Variants in LINGO2 observed in about 807,000 individuals in gnomAD.
The protein encoded by LINGO2 is leucine-rich repeat and immunoglobulin-like domain-containing nogo receptor-interacting protein 2.
LINGO2 carries 14 observed loss-of-function variants against 30.6 expected under a neutral mutation model. The ratio of observed to expected loss-of-function variants is 0.46; its 90% CI spans 0.30 to 0.72. The LOEUF (loss-of-function observed/expected upper bound fraction) is 0.72, where lower values mean the gene tolerates loss of function less well. Among genes scored for constraint, LINGO2 ranks in the 30% least tolerant of loss-of-function variants. The pLI is 0.07. For synonymous variants in LINGO2, 317 were observed against 288.5 expected (o/e 1.10, Z -1.00); for missense variants, 729 against 751.7 (o/e 0.97, Z 0.35).
At chr9:28,989,386 C>T in the LINGO2 span, among the ~76,000 whole-genome samples, 1 of 152,230 alleles carries the variant, frequency 6.6e-6, no homozygotes, top group Non-Finnish European at 1.5e-5. Context: ...TTTGTATTAA[C>T]TGCAGAATTT....
At chr9:28,636,489 T>C (rs1404258456) in intron 1 of LINGO2, among the ~76,000 whole-genome samples, 1 of 152,176 alleles carries the variant, frequency 6.6e-6, no homozygotes, top group East Asian at 1.9e-4. Flanking sequence ...GCACCTGTTG[T>C]TGCCTGACTT....
downstream of LINGO2, chr9:27,943,187 C>G (rs1240985518): frequency 6.6e-6 from 1 of 152,120 alleles, no homozygotes; most frequent in East Asian, 1.9e-4. Context: ...AGGAGGTGTG[C>G]AACAACATAA....
At chr9:27,980,584 G>A (rs1035559567) in intron 5 of LINGO2, among the ~76,000 whole-genome samples, 5 of 151,936 alleles carry the variant, frequency 3.3e-5, no homozygotes, top group Non-Finnish European at 5.9e-5. Flanking sequence ...TTAAGCAGAT[G>A]TTTGCCCTGG....
At position 28,102,758 on chromosome 9, in the gene LINGO2, G is replaced by T. The variant is rs77597365; in HGVS notation, c.-86-90353C>A. 7.1e-4 allele frequency among the ~76,000 whole-genome samples: 108 copies of T among 152,118 alleles called. 5 individuals are homozygous for T. The East Asian group carries it at 0.019, about 27-fold the overall frequency. On this transcript the variant is annotated intron_variant, in intron 4 of 5. Transcript: ENST00000379992. ...TAATAAGCATAAAAAATGTTCACTA[G>T]CCTGTTTTCCAAGCCTTTATTCACA...
chr9:28,990,591 A>G, the LINGO2 span, among the ~76,000 whole-genome samples: 1 of 152,272 alleles, frequency 6.6e-6, no homozygotes, highest in Non-Finnish European at 1.5e-5. Flanking sequence ...GAGCAGCCTA[A>G]CTGGGAGGCA....
intron 4 of LINGO2, among the ~76,000 whole-genome samples, chr9:28,274,956 G>T (rs1334816463): frequency 1.3e-5 from 2 of 152,164 alleles, no homozygotes; most frequent in African/African-American, 2.4e-5. Flanking sequence ...TCCTCATTCA[G>T]CAGTAGAGTA....
At chr9:29,169,192 C>T in the LINGO2 span, among the ~76,000 whole-genome samples, 1 of 152,120 alleles carries the variant, frequency 6.6e-6, no homozygotes, top group Non-Finnish European at 1.5e-5. Context: ...AGGTGATCCG[C>T]CCACCTTGGC....
chr9:28,311,404 G>C (rs976150401), intron 3 of LINGO2, among the ~76,000 whole-genome samples: 4 of 152,096 alleles, frequency 2.6e-5, no homozygotes, highest in Non-Finnish European at 5.9e-5. Flanking sequence ...TTTATTAGGC[G>C]GGAATTTCCT....
At chr9:28,604,150 C>T (rs987111764) in intron 1 of LINGO2, among the ~76,000 whole-genome samples, 5 of 151,998 alleles carry the variant, frequency 3.3e-5, no homozygotes, top group Admixed American at 1.3e-4. Context: ...GCTACCCAAA[C>T]TCACTGTGGT....
At chr9:28,107,280 C>T (rs1826623878) in intron 4 of LINGO2, among the ~76,000 whole-genome samples, 1 of 152,260 alleles carries the variant, frequency 6.6e-6, no homozygotes, top group Admixed American at 6.5e-5. Context: ...ATATTATATT[C>T]CTAGCACCTT....
rs10968484 is a variant in LINGO2, at chr9:28,311,512, A to G, written c.-245-16146T>C. 0.014 allele frequency among the ~76,000 whole-genome samples: 2,136 copies of G among 152,242 alleles called. 87 individuals carry two copies. In the East Asian group the frequency reaches 0.14, roughly 10 times the overall value. ...TGGCCACCCCCAAAGCAGCCATTTT[A>G]GAGGCCTACCCTCAGGGACGCATTC... On this transcript the variant is annotated intron_variant, in intron 3 of 5. Transcript: ENST00000379992.
intron 5 of LINGO2, among the ~76,000 whole-genome samples, chr9:27,954,224 C>T (rs10812706): frequency 0.55 from 84,048 of 151,900 alleles, 24,755 homozygotes; most frequent in East Asian, 0.81. Context: ...GTCTTCCAGC[C>T]GTTTTGAAAT....
chr9:28,126,793 T>A (rs925663762), intron 4 of LINGO2, among the ~76,000 whole-genome samples: 3 of 152,210 alleles, frequency 2.0e-5, no homozygotes, highest in African/African-American at 7.2e-5. Context: ...TACATTTGTT[T>A]ATATGGTTAA....
intron 4 of LINGO2, among the ~76,000 whole-genome samples, chr9:28,257,399 G>A: frequency 6.6e-6 from 1 of 151,778 alleles, no homozygotes; most frequent in Non-Finnish European, 1.5e-5. Flanking sequence ...GTCCGCAGGA[G>A]AGTAGTCCTT....
the LINGO2 span, among the ~76,000 whole-genome samples, chr9:28,753,721 T>A: frequency 6.6e-6 from 1 of 150,506 alleles, no homozygotes; most frequent in African/African-American, 2.5e-5. Flanking sequence ...AGTTTAGAAA[T>A]GCTTGTTGTT....
At chr9:28,758,002 A>C in the LINGO2 span, among the ~76,000 whole-genome samples, 5 of 152,064 alleles carry the variant, frequency 3.3e-5, no homozygotes, top group African/African-American at 1.2e-4. Context: ...AATATAAGCC[A>C]GTGGTGGCTC....
chr9:28,242,941 C>T (rs1263319976), intron 4 of LINGO2, among the ~76,000 whole-genome samples: 1 of 152,116 alleles, frequency 6.6e-6, no homozygotes, highest in African/African-American at 2.4e-5. Context: ...TTCGTCATTA[C>T]CAGGCCTGCC....
At chr9:28,752,710 C>T in the LINGO2 span, among the ~76,000 whole-genome samples, 918 of 151,926 alleles carry the variant, frequency 6.0e-3, 8 homozygotes, top group Non-Finnish European at 9.4e-3. Context: ...CATTTTAGTC[C>T]GGCTCCCAAC....
the LINGO2 span, among the ~76,000 whole-genome samples, chr9:28,916,883 T>TA: frequency 6.6e-6 from 1 of 152,208 alleles, no homozygotes; most frequent in Non-Finnish European, 1.5e-5. Context: ...CTTTCTGTGG[T>TA]CATATTTTCC....
Sources: allele counts gnomAD v4.1 joint callset (sites outside exome capture counted in the v4.1 genomes callset), GRCh38; gene constraint gnomAD v4.1.1; transcripts MANE v1.5; gene names NCBI Gene and HGNC (gene_info 2026-07-23, HGNC 2026-07-21).